Variants in UVRAG observed in about 807,000 individuals in gnomAD.
UVRAG encodes UV radiation resistance-associated gene protein.
In UVRAG, 19 loss-of-function variants were observed where a neutral mutation model predicts 78.0. The ratio of observed to expected loss-of-function variants is 0.24; its 90% CI spans 0.17 to 0.36. The LOEUF is 0.36. Among genes scored for constraint, UVRAG ranks in the 10% least tolerant of loss-of-function variants. The pLI, the probability that UVRAG is intolerant of heterozygous loss-of-function variation, is 1.00. For synonymous variants in UVRAG, 323 were observed against 324.6 expected, an observed-to-expected ratio of 1.00 and a Z score of 0.05; for missense variants, 740 against 853.8, an observed-to-expected ratio of 0.87 and a Z score of 1.66.
In UVRAG at chr11:75,880,928, C is replaced by CTTTTTTTTTTTTTTTTTT. The variant is rs773034018; in HGVS notation, c.432+898_432+915dup. 9.1e-5 allele frequency among the ~76,000 whole-genome samples: 8 copies of CTTTTTTTTTTTTTTTTTT among 87,700 alleles called. 1 individual carries two copies. Among genetic ancestry groups the CTTTTTTTTTTTTTTTTTT allele is most frequent in the Admixed American group, 1.3e-4 (1 of 7,622 alleles). The allele number at this position is 87,700 out of a possible 152,430, so 57.5% of individuals were successfully genotyped here. On this transcript the variant is annotated intron_variant, in intron 4 of 14. Coordinates refer to ENST00000356136, the MANE Select transcript of UVRAG (RefSeq NM_003369.4). ...CTTTCTTCCTTTCTTTTATTTACTT[C>CTTTTTTTTTTTTTTTTTT]TTTTTTTTTTTTTTTTTTTTTTTTT...
intron 7 of UVRAG, among the ~76,000 whole-genome samples, chr11:75,983,046 T>C (rs942942701): frequency 6.6e-6 from 1 of 152,192 alleles, no homozygotes; most frequent in African/African-American, 2.4e-5. Flanking sequence ...CTGGGTCTTA[T>C]GGTACCTCTG....
intron 13 of UVRAG, among the ~76,000 whole-genome samples, chr11:76,071,640 G>A (rs765124558): frequency 6.6e-5 from 10 of 152,142 alleles, no homozygotes; most frequent in Non-Finnish European, 2.9e-5. Context: ...GGGAACTAGA[G>A]TTGAAGCAGA....
intron 13 of UVRAG, among the ~76,000 whole-genome samples, chr11:76,069,522 G>A (rs764021015): frequency 6.6e-6 from 1 of 152,100 alleles, no homozygotes; most frequent in Non-Finnish European, 1.5e-5. Flanking sequence ...TAGTTCATAA[G>A]TACATTATAT....
chr11:75,869,817 A>C (rs764791134), intron 3 of UVRAG, among the ~76,000 whole-genome samples: 2 of 152,242 alleles, frequency 1.3e-5, no homozygotes, highest in African/African-American at 2.4e-5. Context: ...GATGTGTTGT[A>C]TGGTTTCAGA....
intron 4 of UVRAG, among the ~76,000 whole-genome samples, chr11:75,883,568 G>T (rs1490380733): frequency 2.0e-5 from 3 of 152,158 alleles, no homozygotes; most frequent in South Asian, 4.1e-4. Context: ...ATAATAGCCA[G>T]AATCAGTTAG....
At position 76,115,986 on chromosome 11, in the gene UVRAG, C is replaced by T. The variant is rs564982449; in HGVS notation, c.1368C>T (p.Asn456=). The change falls in exon 14 of 15, where the codon AAC becomes AAT. Residue 456 remains asparagine (N), a synonymous_variant. Transcript: ENST00000356136. ...GGCAAACCCTTCCCAACCTGAAAAA[C>T]TTCATGGAGCATGGACTAATGGTCA... ...DLRQTLPNLK[N]FMEHGLMVRC... The T allele has an allele frequency of 8.1e-5, 130 of 1,613,778 alleles. No homozygotes were observed. The highest frequency in any genetic ancestry group is 9.4e-5 in the Non-Finnish European group (111 of 1,179,868).
At chr11:75,921,007 G>A (rs1947969501) in intron 6 of UVRAG, among the ~76,000 whole-genome samples, 1 of 152,078 alleles carries the variant, frequency 6.6e-6, no homozygotes, top group Admixed American at 6.6e-5. Context: ...ATGCGTGTTT[G>A]TTTTGACAGT....
chr11:75,904,431 C>T (rs936088973), intron 5 of UVRAG, among the ~76,000 whole-genome samples: 5 of 152,166 alleles, frequency 3.3e-5, no homozygotes, highest in Non-Finnish European at 2.9e-5. Flanking sequence ...AATCCTTCAT[C>T]AGAAGTCTGT....
At chr11:76,061,528 C>T (rs1031297292) in intron 12 of UVRAG, among the ~76,000 whole-genome samples, 4 of 152,148 alleles carry the variant, frequency 2.6e-5, no homozygotes, top group African/African-American at 4.8e-5. Flanking sequence ...ACACTCACCG[C>T]GAAGGTCTGC....
intron 3 of UVRAG, among the ~76,000 whole-genome samples, chr11:75,868,542 A>G (rs1946582236): frequency 6.6e-6 from 1 of 152,224 alleles, no homozygotes; most frequent in Non-Finnish European, 1.5e-5. Context: ...CACCTTATCC[A>G]TGATATATTT....
At chr11:75,877,063 C>T (rs1946801232) in intron 3 of UVRAG, among the ~76,000 whole-genome samples, 1 of 151,360 alleles carries the variant, frequency 6.6e-6, no homozygotes, top group Admixed American at 6.6e-5. Context: ...AACGAGCATG[C>T]TGCCTTCAAG....
chr11:75,932,658 C>T (rs985898107), intron 6 of UVRAG, among the ~76,000 whole-genome samples: 1 of 152,176 alleles, frequency 6.6e-6, no homozygotes, highest in Non-Finnish European at 1.5e-5. Flanking sequence ...TAAACACATT[C>T]ATTAAAGTTG....
At chr11:75,945,265 G>A (rs889268264) in intron 6 of UVRAG, among the ~76,000 whole-genome samples, 11 of 152,098 alleles carry the variant, frequency 7.2e-5, no homozygotes, top group African/African-American at 2.7e-4. Flanking sequence ...AGGAAGGAAA[G>A]GGAGTAATCT....
chr11:75,989,286 C>G (rs1163920551), intron 8 of UVRAG, among the ~76,000 whole-genome samples: 1 of 152,062 alleles, frequency 6.6e-6, no homozygotes, highest in African/African-American at 2.4e-5. Flanking sequence ...AACTCCTGAC[C>G]CCAAGTGATC....
intron 5 of UVRAG, among the ~76,000 whole-genome samples, chr11:75,902,867 T>C (rs533329447): frequency 3.9e-5 from 6 of 152,178 alleles, no homozygotes; most frequent in Non-Finnish European, 7.4e-5. Flanking sequence ...TCTCTTTGTA[T>C]CCACTCTGTC....
At chr11:75,958,797 C>T (rs1351267408) in intron 6 of UVRAG, among the ~76,000 whole-genome samples, 2 of 152,170 alleles carry the variant, frequency 1.3e-5, no homozygotes, top group East Asian at 1.9e-4. Context: ...CAACTCTAGG[C>T]TTATGAAATG....
intron 13 of UVRAG, among the ~76,000 whole-genome samples, chr11:76,102,671 C>T (rs2134446616): frequency 6.6e-6 from 1 of 152,208 alleles, no homozygotes; most frequent in Non-Finnish European, 1.5e-5. Flanking sequence ...ATGCCTTCAG[C>T]TTTTGCCCAT....
At chr11:75,944,724 C>T (rs1022382124) in intron 6 of UVRAG, among the ~76,000 whole-genome samples, 9 of 151,958 alleles carry the variant, frequency 5.9e-5, no homozygotes, top group African/African-American at 2.2e-4. Flanking sequence ...GTGATTATTG[C>T]GTAACGGAAT....
intron 12 of UVRAG, among the ~76,000 whole-genome samples, chr11:76,061,664 C>T (rs1355198380): frequency 6.6e-6 from 1 of 151,866 alleles, no homozygotes; most frequent in Non-Finnish European, 1.5e-5. Flanking sequence ...GCCAGCGAGA[C>T]CACGAACCCC....
Sources: gnomAD v4.1 joint callset for allele counts (sites outside exome capture counted in the v4.1 genomes callset) on GRCh38, gnomAD v4.1.1 for gene constraint, MANE v1.5 for transcripts, NCBI Gene and HGNC (gene_info 2026-07-23, HGNC 2026-07-21) for gene names.